Variants in KCNQ5 observed in about 807,000 individuals in gnomAD.
KCNQ5 encodes the protein potassium voltage-gated channel subfamily KQT member 5.
Under a neutral mutation model 98.2 loss-of-function variants are expected in KCNQ5, and 30 were observed. The observed-to-expected ratio is 0.31, with a 90% CI of 0.23 to 0.41. KCNQ5 has a LOEUF of 0.41. KCNQ5 is among the 10% of genes least tolerant of loss of function. KCNQ5 has a pLI of 1.00. For missense variants in KCNQ5, 835 were observed against 1,182.5 expected, an observed-to-expected ratio of 0.71 and a Z score of 4.31; for synonymous variants, 458 against 449.4, an observed-to-expected ratio of 1.02 and a Z score of -0.24.
intron 1 of KCNQ5, among the ~76,000 whole-genome samples, chr6:72,906,520 G>A (rs992753258): frequency 6.6e-6 from 1 of 152,164 alleles, no homozygotes; most frequent in Non-Finnish European, 1.5e-5. Flanking sequence ...GGTCCCCATG[G>A]TGCCAGGCAG....
At chr6:72,646,286 T>G (rs1388677282) in intron 1 of KCNQ5, among the ~76,000 whole-genome samples, 2 of 151,610 alleles carry the variant, frequency 1.3e-5, no homozygotes, top group African/African-American at 2.4e-5. Flanking sequence ...CTGTGAAAAA[T>G]ACATCTTCAT....
chr6:72,890,979 G>A (rs554919541), intron 1 of KCNQ5, among the ~76,000 whole-genome samples: 3 of 152,300 alleles, frequency 2.0e-5, no homozygotes, highest in South Asian at 4.1e-4. Flanking sequence ...TTTGGGAAAT[G>A]GGAAAGGTGC....
At chr6:73,107,171 C>G (rs1042956180) in intron 6 of KCNQ5, among the ~76,000 whole-genome samples, 3 of 152,138 alleles carry the variant, frequency 2.0e-5, no homozygotes, top group Non-Finnish European at 4.4e-5. Context: ...CCTGAGGCCA[C>G]ATGTAGAGCA....
intron 11 of KCNQ5, among the ~76,000 whole-genome samples, chr6:73,176,644 G>C (rs1204888534): frequency 5.3e-5 from 8 of 152,186 alleles, no homozygotes. Flanking sequence ...AGTCATGATG[G>C]AGAATAGTCA....
At chr6:72,741,048 T>C (rs1006146376) in intron 1 of KCNQ5, among the ~76,000 whole-genome samples, 1 of 152,176 alleles carries the variant, frequency 6.6e-6, no homozygotes, top group African/African-American at 2.4e-5. Flanking sequence ...CACCTATAAA[T>C]TAGGGAAGAG....
intron 1 of KCNQ5, among the ~76,000 whole-genome samples, chr6:72,937,950 T>C (rs187838062): frequency 6.4e-4 from 97 of 152,320 alleles, no homozygotes; most frequent in African/African-American, 2.2e-3. Flanking sequence ...CTTTATAACT[T>C]ACAATTGGGA....
intron 2 of KCNQ5, among the ~76,000 whole-genome samples, chr6:73,037,488 A>AT (rs577239218): frequency 7.2e-5 from 11 of 152,208 alleles, no homozygotes; most frequent in African/African-American, 2.6e-4. Context: ...AAGTTTTATT[A>AT]TTTTATGTTT....
intron 1 of KCNQ5, among the ~76,000 whole-genome samples, chr6:72,970,873 T>G (rs1187418968): frequency 6.6e-6 from 1 of 152,182 alleles, no homozygotes; most frequent in Non-Finnish European, 1.5e-5. Flanking sequence ...GACTTACATG[T>G]TAGACCTAAA....
chr6:73,174,275 C>G (rs1778127572), intron 11 of KCNQ5, among the ~76,000 whole-genome samples: 1 of 152,076 alleles, frequency 6.6e-6, no homozygotes, highest in African/African-American at 2.4e-5. Flanking sequence ...GTTTTCCTGT[C>G]CGTTTGTTTT....
intron 1 of KCNQ5, among the ~76,000 whole-genome samples, chr6:72,664,284 C>T (rs931281461): frequency 6.6e-5 from 10 of 152,266 alleles, no homozygotes; most frequent in South Asian, 2.1e-4. Flanking sequence ...CTCAAAACGT[C>T]GGGTTCCTTG....
chr6:72,779,257 G>C (rs1276874596), intron 1 of KCNQ5, among the ~76,000 whole-genome samples: 1 of 152,156 alleles, frequency 6.6e-6, no homozygotes, highest in Non-Finnish European at 1.5e-5. Flanking sequence ...GGAGGAAGAA[G>C]GAGAGGCCCA....
rs192361130 is a variant in KCNQ5 at position 73,036,335 on chromosome 6, G to C, written c.490-5601G>C. Among the ~76,000 whole-genome samples, 21 of 144,198 alleles carry C rather than the reference G, an allele frequency of 1.5e-4. No homozygotes were observed. The East Asian group carries it at 4.5e-3, about 31-fold the overall frequency. 94.6% of individuals were successfully genotyped at this position (144,198 alleles called of 152,430 possible). On this transcript the variant is annotated intron_variant, in intron 2 of 13. Transcript: ENST00000370398. Reference sequence around the variant, plus strand: ...AGGGAGGTGGAGCTTGCAGTGAGCCGAGATCGCACCACTGCACTCCATTCT... The same window carrying C: ...AGGGAGGTGGAGCTTGCAGTGAGCCCAGATCGCACCACTGCACTCCATTCT...
intron 3 of KCNQ5, among the ~76,000 whole-genome samples, chr6:73,045,434 C>T (rs72947164): frequency 3.9e-5 from 6 of 152,226 alleles, no homozygotes; most frequent in Non-Finnish European, 7.4e-5. Flanking sequence ...ATTTTTATCT[C>T]TCCCCTAAGA....
intron 9 of KCNQ5, among the ~76,000 whole-genome samples, chr6:73,127,973 G>A (rs952962883): frequency 1.3e-5 from 2 of 152,148 alleles, no homozygotes; most frequent in African/African-American, 4.8e-5. Context: ...GCTGAGGCAG[G>A]AGAATCACTT....
At chr6:73,082,265 A>G (rs547646751) in intron 5 of KCNQ5, among the ~76,000 whole-genome samples, 62 of 152,352 alleles carry the variant, frequency 4.1e-4, no homozygotes, top group Non-Finnish European at 7.8e-4. Flanking sequence ...CTGTGGCAAG[A>G]AATGGCAGCT....
intron 1 of KCNQ5, among the ~76,000 whole-genome samples, chr6:72,678,761 ATTAT>A (rs1336559204): frequency 6.6e-6 from 1 of 152,122 alleles, no homozygotes; most frequent in Non-Finnish European, 1.5e-5. Context: ...GAATTAAGTA[ATTAT>A]TTCTTTCCCA....
At chr6:72,913,068 TTAA>T (rs2150207844) in intron 1 of KCNQ5, among the ~76,000 whole-genome samples, 1 of 152,292 alleles carries the variant, frequency 6.6e-6, no homozygotes, top group East Asian at 1.9e-4. Context: ...GAAAGTTTTT[TTAA>T]TGGTGCATAC....
At chr6:73,104,264 C>T (rs939311349) in intron 5 of KCNQ5, among the ~76,000 whole-genome samples, 5 of 151,960 alleles carry the variant, frequency 3.3e-5, no homozygotes, top group African/African-American at 1.2e-4. Context: ...ACAGGAGACA[C>T]AATCAACACC....
At chr6:72,747,215 C>CAGGTA (rs1377065652) in intron 1 of KCNQ5, among the ~76,000 whole-genome samples, 3 of 152,092 alleles carry the variant, frequency 2.0e-5, no homozygotes. Context: ...AATTATATCA[C>CAGGTA]AGGTATTGAA....
Sources: allele counts gnomAD v4.1 joint callset (sites outside exome capture counted in the v4.1 genomes callset), GRCh38; gene constraint gnomAD v4.1.1; transcripts MANE v1.5; gene names NCBI Gene and HGNC (gene_info 2026-07-23, HGNC 2026-07-21).